PCDHGA10: variants seen among roughly 807,000 people sequenced by gnomAD.
PCDHGA10 encodes the protein protocadherin gamma subfamily A, 10.
In PCDHGA10, 42 loss-of-function variants were observed where a neutral mutation model predicts 59.5. The ratio of observed to expected loss-of-function variants is 0.71; its 90% CI spans 0.55 to 0.91. The LOEUF (loss-of-function observed/expected upper bound fraction) is 0.91. Among genes scored for constraint, PCDHGA10 ranks in the 40% least tolerant of loss-of-function variants. The pLI, the probability that PCDHGA10 is intolerant of heterozygous loss-of-function variation, is 0.00. For synonymous variants in PCDHGA10, 511 were observed against 517.2 expected (o/e 0.99, Z 0.16); for missense variants, 1,111 against 1,198.2 (o/e 0.93, Z 1.07).
chr5:141,436,040 C>T (rs989038133), intron 1 of PCDHGA10, among the ~76,000 whole-genome samples: 1 of 152,060 alleles, frequency 6.6e-6, no homozygotes, highest in African/African-American at 2.4e-5. Context: ...TTTGTATTTA[C>T]ATTAGTTTTC....
rs60063068 is a variant in PCDHGA10, at chr5:141,477,262, C to T, written c.2437-17545C>T. The T allele has an allele frequency of 1.9e-4, 313 of 1,614,138 alleles. No individual in the cohort carries two copies. In the African/African-American group the frequency reaches 3.7e-3, roughly 19 times the overall value. On this transcript the variant is annotated intron_variant, in intron 1 of 3. Coordinates refer to ENST00000398610, the MANE Select transcript of PCDHGA10 (RefSeq NM_018913.3). This position sits in a 1 kb window ranked among gnomAD's most constrained non-coding sequence, Gnocchi z 4.9. ...TCAGTGTGACTGACCTGGATGCTGG[C>T]GAGAACGGGCTGGTGACCTGCGAAG...
chr5:141,469,296 A>T (rs2099196287), intron 1 of PCDHGA10, among the ~76,000 whole-genome samples: 1 of 149,742 alleles, frequency 6.7e-6, no homozygotes, highest in Non-Finnish European at 1.5e-5. Context: ...AACAAAATAG[A>T]CTGGGCACGA....
rs200843744 is a variant in PCDHGA10, at chr5:141,491,417, G to C, written c.2437-3390G>C. 18 of 1,613,988 alleles carry C rather than the reference G, an allele frequency of 1.1e-5. No individual in the cohort carries two copies. Among genetic ancestry groups the C allele is most frequent in the Admixed American group, 5.0e-5 (3 of 60,006 alleles). ...CAGGGAAACGCAGACGGGGACGGGGGTGGAGGGCAGTGCTGCAGGCGCCAG... is the reference window on the plus strand; with the variant it reads ...CAGGGAAACGCAGACGGGGACGGGGCTGGAGGGCAGTGCTGCAGGCGCCAG... On this transcript the variant is annotated intron_variant, in intron 1 of 3. Transcript: ENST00000398610. This position sits in a 1 kb window ranked among gnomAD's most constrained non-coding sequence, Gnocchi z 6.9.
Position 141,432,331 on chromosome 5 carries a change from G to A in PCDHGA10, c.2436+16720G>A, listed in dbSNP as rs763952193. Reference sequence around the variant, plus strand: ...CGCTGAGCTCCTTCGACTACGAGCAGTTCCGAGACTTGCAAGTGAAAGTGA... The same window carrying A: ...CGCTGAGCTCCTTCGACTACGAGCAATTCCGAGACTTGCAAGTGAAAGTGA... On this transcript the variant is annotated intron_variant, in intron 1 of 3. Transcript: ENST00000398610. The surrounding 1 kb of genome is among the most constrained non-coding windows in gnomAD (Gnocchi z 6.0). The A allele has an allele frequency of 1.2e-6, 2 of 1,614,278 alleles. No individual in the cohort carries two copies. Among genetic ancestry groups the A allele is most frequent in the East Asian group, 2.2e-5 (1 of 44,888 alleles).
intron 1 of PCDHGA10, chr5:141,417,913 T>A (rs749352432): frequency 1.2e-6 from 2 of 1,601,944 alleles, no homozygotes; most frequent in African/African-American, 1.3e-5. Flanking sequence ...AGGTACTATT[T>A]CCTTTGCTGC....
chr5:141,417,954 C>G, intron 1 of PCDHGA10: 2 of 1,613,600 alleles, frequency 1.2e-6, no homozygotes, highest in South Asian at 1.1e-5. Flanking sequence ...CTGTGTGAGC[C>G]GATCCGCTAC....
At chr5:141,421,213 G>C (rs916345810) in intron 1 of PCDHGA10, 3 of 1,548,472 alleles carry the variant, frequency 1.9e-6, no homozygotes, top group Admixed American at 4.1e-5. Context: ...GCGGAATATC[G>C]GCTTAGAGCC....
At position 141,432,707 on chromosome 5, in the gene PCDHGA10, G is replaced by A. The variant is rs750859951; in HGVS notation, c.2436+17096G>A. ...CCTCGTAGTGGCCGTCCAGGACCAC[G>A]GCCAGCCCCCTCTCTCCGCCACTGT... On this transcript the variant is annotated intron_variant, in intron 1 of 3. Coordinates refer to ENST00000398610, the MANE Select transcript of PCDHGA10 (RefSeq NM_018913.3). The surrounding 1 kb of genome is among the most constrained non-coding windows in gnomAD (Gnocchi z 6.0). 5 of 1,613,988 alleles carry A rather than the reference G, an allele frequency of 3.1e-6. No individual in the cohort carries two copies. Among genetic ancestry groups the A allele is most frequent in the Non-Finnish European group, 4.2e-6 (5 of 1,179,970 alleles).
chr5:141,492,064 C>T (rs1562152072), intron 1 of PCDHGA10: 3 of 484,366 alleles, frequency 6.2e-6, no homozygotes, highest in Non-Finnish European at 1.1e-5. Context: ...AGCCAGCCTC[C>T]TAGGCGCCGG....
intron 3 of PCDHGA10, among the ~76,000 whole-genome samples, chr5:141,509,880 T>C (rs1475661741): frequency 6.6e-6 from 1 of 152,184 alleles, no homozygotes; most frequent in African/African-American, 2.4e-5. Flanking sequence ...CTGGTGGTGA[T>C]GGTGACTGAC....
Position 141,413,803 on chromosome 5 carries a change from G to A in PCDHGA10, c.628G>A (p.Ala210Thr), listed in dbSNP as rs1331029473. ...LEHSLDREEE[A>T]IHHLVLTASD... is the part of the protein sequence containing the mutation. ...GCACTCCCTAGATCGCGAGGAAGAG[G>A]CCATTCACCACCTGGTCCTCACCGC... The change falls in exon 1 of 4, where the codon GCC becomes ACC. Residue 210 changes from alanine (A) to threonine (T), a missense_variant. Transcript: ENST00000398610. 3 of 1,613,142 alleles carry A rather than the reference G, an allele frequency of 1.9e-6. No individual in the cohort carries two copies. The highest frequency in any genetic ancestry group is 1.7e-6 in the Non-Finnish European group (2 of 1,179,882).
rs1384790784 is a variant in PCDHGA10, at chr5:141,431,800, G to T, written c.2436+16189G>T. 1 of 1,614,206 alleles carries T rather than the reference G, an allele frequency of 6.2e-7. No individual in the cohort carries two copies. Among genetic ancestry groups the T allele is most frequent in the African/African-American group, 1.3e-5 (1 of 75,054 alleles). ...ACGTGAACGACAATGCCCCAGAAGT[G>T]GTCCTCACCTCTCTCGCCAGCTCGG... On this transcript the variant is annotated intron_variant, in intron 1 of 3. Transcript: ENST00000398610. This position sits in a 1 kb window ranked among gnomAD's most constrained non-coding sequence, Gnocchi z 4.8.
rs759095332 is a variant in PCDHGA10, at chr5:141,432,306, C to T, written c.2436+16695C>T. 1 of 1,614,250 alleles carries T rather than the reference C, an allele frequency of 6.2e-7. No homozygotes were observed. On this transcript the variant is annotated intron_variant, in intron 1 of 3. Coordinates refer to ENST00000398610, the MANE Select transcript of PCDHGA10 (RefSeq NM_018913.3). This position sits in a 1 kb window ranked among gnomAD's most constrained non-coding sequence, Gnocchi z 6.0. ...AACTCCGACACTGGGGTACTGTATG[C>T]GCTGAGCTCCTTCGACTACGAGCAG...
chr5:141,505,546 C>T (rs555460173), intron 3 of PCDHGA10, 65 bp downstream of exon 3: 36 of 1,608,242 alleles, frequency 2.2e-5, no homozygotes, highest in South Asian at 7.7e-5. Context: ...CATCTCACAG[C>T]CACCATGCCC....
chr5:141,433,878 T>C (rs774226497), intron 1 of PCDHGA10, among the ~76,000 whole-genome samples: 15 of 151,848 alleles, frequency 9.9e-5, no homozygotes, highest in Non-Finnish European at 1.5e-4. Flanking sequence ...GTTTCATCCA[T>C]TGATGACACT....
At chr5:141,419,475 C>G (rs775720158) in intron 1 of PCDHGA10, 2 of 1,612,266 alleles carry the variant, frequency 1.2e-6, no homozygotes, top group Admixed American at 1.7e-5. Context: ...GACCAGGGCT[C>G]GCCCGCGCTC....
intron 1 of PCDHGA10, among the ~76,000 whole-genome samples, chr5:141,466,614 G>A (rs75804312): frequency 1.4e-3 from 218 of 152,142 alleles, no homozygotes; most frequent in Middle Eastern, 6.8e-3. Context: ...GTAAACTGCC[G>A]TTTTCTTTGG....
At chr5:141,506,308 G>A (rs941724820) in intron 3 of PCDHGA10, among the ~76,000 whole-genome samples, 8 of 152,100 alleles carry the variant, frequency 5.3e-5, no homozygotes. Flanking sequence ...AATTAGCTGG[G>A]CATGGTGGTG....
chr5:141,505,645 G>A (rs997169182), intron 3 of PCDHGA10, 164 bp downstream of exon 3: 2 of 964,274 alleles, frequency 2.1e-6, no homozygotes, highest in African/African-American at 1.8e-5. Flanking sequence ...GCCTGGAATT[G>A]TGGCTAAGGA....
Sources: gnomAD v4.1 joint callset for allele counts (sites outside exome capture counted in the v4.1 genomes callset) on GRCh38, gnomAD v4.1.1 for gene constraint, Gnocchi (gnomAD v3.1) non-coding constraint, MANE v1.5 for transcripts, NCBI Gene and HGNC (gene_info 2026-07-23, HGNC 2026-07-21) for gene names.